HERC2: variants seen among roughly 807,000 people sequenced by gnomAD.
HERC2 encodes HECT and RLD domain containing E3 ubiquitin protein ligase 2.
A neutral mutation model predicts 537.7 loss-of-function variants in HERC2; 102 were observed. That is an observed-to-expected ratio of 0.19 (90% CI 0.16 to 0.22). The LOEUF (loss-of-function observed/expected upper bound fraction) is 0.22. Ranked by LOEUF, HERC2 falls within the 10% of genes least tolerant of loss-of-function variation. HERC2 has a pLI of 1.00. For missense variants in HERC2, 4,236 were observed against 6,198.2 expected (o/e 0.68, Z 10.63); for synonymous variants, 2,224 against 2,466.2 (o/e 0.90, Z 2.91).
At chr15:28,168,657 A>G (rs2140094559) in intron 66 of HERC2, 67 bp from the exon 67 acceptor site, 1 of 1,473,024 alleles carries the variant, frequency 6.8e-7, no homozygotes, top group African/African-American at 1.4e-5. Context: ...GGAAGTGGAG[A>G]GGCAGGGCTA....
At chr15:28,285,678 A>G (rs2076137402) in intron 4 of HERC2, among the ~76,000 whole-genome samples, 1 of 151,982 alleles carries the variant, frequency 6.6e-6, no homozygotes, top group South Asian at 2.1e-4. Flanking sequence ...AGTAAGCAGA[A>G]AAGAAGAAAT....
chr15:28,263,525 C>T (rs2075469667), intron 14 of HERC2, among the ~76,000 whole-genome samples: 1 of 152,216 alleles, frequency 6.6e-6, no homozygotes, highest in Non-Finnish European at 1.5e-5. Flanking sequence ...GCGGACCACC[C>T]TCCCGTTTGC....
intron 40 of HERC2, 122 bp from the exon 41 acceptor site, chr15:28,214,394 G>A (rs1229185087): frequency 1.0e-6 from 1 of 989,414 alleles, no homozygotes; most frequent in South Asian, 1.3e-5. Flanking sequence ...ACAGGGAAGG[G>A]AGACGGCCAT....
At position 28,229,800 on chromosome 15, in the gene HERC2, G is replaced by A; in HGVS notation, c.4857C>T (p.Tyr1619=). 6.9e-7 allele frequency: 1 copy of A among 1,443,486 alleles called. No homozygotes were observed. The highest frequency in any genetic ancestry group is 2.3e-5 in the East Asian group (1 of 44,054). The allele number at this position is 1,443,486 out of a possible 1,614,324, so 89.4% of individuals were successfully genotyped here. Residue 1619 remains tyrosine, a synonymous_variant, in exon 32 of 93, where the codon TAC becomes TAT. Transcript: ENST00000261609. The part of the protein sequence containing the change: ...LLSTVTGVHK[Y]KWLKQNVQGL... ...CCTGCACATTCTGCTTCAACCACTT[G>A]TATTTGTGAACACCTGTAACAGTAC...
rs1014697370 is a variant in HERC2, at chr15:28,268,046, G to A, written c.1598+419C>T. Among the ~76,000 whole-genome samples, 20 of 152,188 alleles carry A rather than the reference G, an allele frequency of 1.3e-4. No individual in the cohort carries two copies. Among genetic ancestry groups the A allele is most frequent in the African/African-American group, 4.3e-4 (18 of 41,440 alleles). The stretch of plus-strand genomic sequence containing the variant: ...CACAATAAAAGGTTCCACTGAGTAG[G>A]ATAATATTAGGAAGAAACTGCTGAC... On this transcript the variant is annotated intron_variant, in intron 12 of 92. Transcript: ENST00000261609. This position sits in a 1 kb window ranked among gnomAD's most constrained non-coding sequence, Gnocchi z 4.7.
chr15:28,130,061 C>T (rs1889946441), intron 83 of HERC2, 102 bp downstream of exon 83: 1 of 1,435,404 alleles, frequency 7.0e-7, no homozygotes, highest in Non-Finnish European at 9.6e-7. Flanking sequence ...GAGTGAGCCA[C>T]CACACCTGGC....
intron 35 of HERC2, among the ~76,000 whole-genome samples, chr15:28,222,758 T>C (rs140184560): frequency 2.7e-4 from 41 of 152,228 alleles, no homozygotes; most frequent in Non-Finnish European, 4.3e-4. Context: ...GTACAAACAA[T>C]GTGGTCTGTG....
chr15:28,223,773 C>A (rs998286562), intron 35 of HERC2, among the ~76,000 whole-genome samples: 3 of 151,932 alleles, frequency 2.0e-5, no homozygotes, highest in Admixed American at 2.0e-4. Flanking sequence ...AGAAGGATAC[C>A]CTGATCAGGG....
chr15:28,250,735 G>C (rs1385046554), intron 20 of HERC2, among the ~76,000 whole-genome samples: 1 of 152,106 alleles, frequency 6.6e-6, no homozygotes, highest in Non-Finnish European at 1.5e-5. Context: ...TTCAACAACT[G>C]CATCTGCCAA....
intron 83 of HERC2, among the ~76,000 whole-genome samples, chr15:28,126,067 G>A (rs1334740269): frequency 1.3e-5 from 2 of 152,128 alleles, no homozygotes; most frequent in African/African-American, 4.8e-5. Context: ...GAAAATCTAT[G>A]TTTTTAAAAT....
chr15:28,245,764 C>T (rs1903648193), intron 23 of HERC2, 117 bp downstream of exon 23: 1 of 920,024 alleles, frequency 1.1e-6, no homozygotes, highest in Non-Finnish European at 1.7e-6. Flanking sequence ...CTTATACTAC[C>T]ATCAGTAGAA....
intron 55 of HERC2, chr15:28,190,636 C>A (rs2140262844): frequency 6.7e-6 from 2 of 300,070 alleles, no homozygotes; most frequent in East Asian, 1.3e-4. Flanking sequence ...CCACCAGAAA[C>A]TGAGATATTT....
chr15:28,182,395 C>T lies in HERC2; in HGVS notation c.8937+6G>A, dbSNP rs756157356. ...ACCCTGCTGGGTCCCAGGGAGCAGGCCGTACCTTGGAGCCTTTCAGCCCGC... is the reference window on the plus strand; with the variant it reads ...ACCCTGCTGGGTCCCAGGGAGCAGGTCGTACCTTGGAGCCTTTCAGCCCGC... On this transcript the variant is annotated splice_donor_region_variant and intron_variant, in intron 57 of 92. Coordinates refer to ENST00000261609, the MANE Select transcript of HERC2 (RefSeq NM_004667.6). The T allele has an allele frequency of 9.3e-6, 15 of 1,606,846 alleles. No individual in the cohort carries two copies. The highest frequency in any genetic ancestry group is 1.3e-5 in the Non-Finnish European group (15 of 1,174,040).
At chr15:28,247,236 TCCTCCTGCCTCAG>T (rs1903793928) in intron 21 of HERC2, among the ~76,000 whole-genome samples, 1 of 151,988 alleles carries the variant, frequency 6.6e-6, no homozygotes, top group African/African-American at 2.4e-5. Flanking sequence ...GCTCAAGTGA[TCCTCCTGCCTCAG>T]CCTCCTGAGT....
At chr15:28,311,832 A>G (rs2076953869) in intron 2 of HERC2, among the ~76,000 whole-genome samples, 1 of 152,204 alleles carries the variant, frequency 6.6e-6, no homozygotes. Context: ...GTTCTGCGGT[A>G]CAGCCTAGAT....
intron 21 of HERC2, among the ~76,000 whole-genome samples, chr15:28,247,143 A>G (rs956296247): frequency 1.3e-5 from 2 of 152,008 alleles, no homozygotes; most frequent in African/African-American, 2.4e-5. Context: ...TATGAACACT[A>G]AAGTCATAAT....
intron 65 of HERC2, among the ~76,000 whole-genome samples, chr15:28,172,468 C>G (rs1195539564): frequency 6.6e-6 from 1 of 152,150 alleles, no homozygotes; most frequent in African/African-American, 2.4e-5. Context: ...AGAAATAGAT[C>G]CATACATCCA....
intron 55 of HERC2, chr15:28,190,760 T>C (rs988871795): frequency 6.9e-6 from 4 of 578,014 alleles, no homozygotes; most frequent in Non-Finnish European, 6.1e-6. Context: ...AGAATGAAAT[T>C]TGTTTCCTTT....
At position 28,192,165 on chromosome 15, in the gene HERC2, G is replaced by A; in HGVS notation, c.8261-14C>T. ...CCGCAGACTGACCTATTTCGTGATA[G>A]TCAAAAAGAGAATTAACCCTTGCTG... On this transcript the variant is annotated splice_polypyrimidine_tract_variant and intron_variant, in intron 52 of 92. Transcript: ENST00000261609. 6.2e-7 allele frequency: 1 copy of A among 1,602,372 alleles called. No homozygotes were observed. Among genetic ancestry groups the A allele is most frequent in the Non-Finnish European group, 8.5e-7 (1 of 1,171,568 alleles).
Sources: gnomAD v4.1 joint callset for allele counts (sites outside exome capture counted in the v4.1 genomes callset) on GRCh38, gnomAD v4.1.1 for gene constraint, Gnocchi (gnomAD v3.1) non-coding constraint, MANE v1.5 for transcripts, NCBI Gene and HGNC (gene_info 2026-07-23, HGNC 2026-07-21) for gene names.